Variants in ACER1 observed in about 807,000 individuals in gnomAD.
ACER1 encodes alkaline ceramidase 1, also known as CTB-180A7.3.
ACER1 carries 28 observed loss-of-function variants against 24.9 expected under a neutral mutation model. The ratio of observed to expected loss-of-function variants is 1.13; its 90% CI spans 0.83 to 1.54. The LOEUF is 1.54. Among genes scored for constraint, ACER1 ranks in the 40% most tolerant of loss-of-function variants. The probability of loss-of-function intolerance (pLI) is 0.00; values close to 1 mark genes in which losing one functional copy is unlikely to be tolerated. For missense variants in ACER1, 352 were observed against 349.3 expected (o/e 1.01, Z -0.06); for synonymous variants, 132 against 131.4 (o/e 1.00, Z -0.03).
chr19:6,355,295 C>T, the ACER1 span, among the ~76,000 whole-genome samples: 43 of 148,606 alleles, frequency 2.9e-4, no homozygotes, highest in Non-Finnish European at 4.6e-4. Context: ...TCGTCTGGGA[C>T]GTGAGGAGCC....
chr19:6,357,120 C>T, the ACER1 span, among the ~76,000 whole-genome samples: 10 of 149,752 alleles, frequency 6.7e-5, no homozygotes, highest in African/African-American at 2.5e-4. Flanking sequence ...TCTTGGCTCA[C>T]TGCAACTTCT....
At chr19:6,333,346 A>C (rs944356278) in intron 1 of ACER1, 113 bp downstream of exon 1, 1 of 800,298 alleles carries the variant, frequency 1.2e-6, no homozygotes, top group Non-Finnish European at 1.9e-6. Flanking sequence ...TGAGAAAACT[A>C]GGGCTGAGAC....
chr19:6,323,187 A>G lies in ACER1; in HGVS notation c.93+10272T>C, dbSNP rs111687809. Among the ~76,000 whole-genome samples the G allele has an allele frequency of 9.6e-3, 1,461 of 152,144 alleles. 21 individuals are homozygous for G. The highest frequency in any genetic ancestry group is 0.032 in the African/African-American group (1,349 of 41,524). Reference sequence around the variant, plus strand: ...TGTAATCCCAGCACTTTGGGAGGCCAAGGCAGGCAGATCACGAAGTCAGGA... The same window carrying G: ...TGTAATCCCAGCACTTTGGGAGGCCGAGGCAGGCAGATCACGAAGTCAGGA... On this transcript the variant is annotated intron_variant, in intron 1 of 5. Transcript: ENST00000301452.
Position 6,309,753 on chromosome 19 carries a change from G to T in ACER1, c.432C>A (p.Tyr144Ter), listed in dbSNP as rs145674301. Residue 144 changes from tyrosine (Y) to a stop codon, truncating the protein, a stop_gained, in exon 4 of 6, where the codon TAC becomes TAA. Coordinates refer to ENST00000301452, the MANE Select transcript of ACER1 (RefSeq NM_133492.3). LOFTEE classifies it high-confidence loss of function. ...LSFLRPTVNA[Y>*]ALNSIALHIL... ...TGTGCAGGGCAATGCTGTTGAGGGC[G>T]TAGGCGTTGACCGTGGGCCGCAGGA... is the stretch of plus-strand genomic sequence containing the variant. The T allele has an allele frequency of 1.9e-6, 3 of 1,614,102 alleles. No individual in the cohort carries two copies. Among genetic ancestry groups the T allele is most frequent in the East Asian group, 2.2e-5 (1 of 44,890 alleles).
At chr19:6,319,329 G>A (rs1023858291) in intron 1 of ACER1, among the ~76,000 whole-genome samples, 1 of 151,816 alleles carries the variant, frequency 6.6e-6, no homozygotes, top group African/African-American at 2.4e-5. Context: ...CCTGCCTTCC[G>A]GGGCTCAGCC....
rs767005234 is a variant in ACER1, at chr19:6,312,320, G to C, written c.209-30C>G. The C allele has an allele frequency of 1.9e-6, 3 of 1,613,646 alleles. No individual in the cohort carries two copies. In the Admixed American group the frequency reaches 5.0e-5, roughly 27 times the overall value. On this transcript the variant is annotated intron_variant, in intron 2 of 5. Coordinates refer to ENST00000301452, the MANE Select transcript of ACER1 (RefSeq NM_133492.3). Reference sequence around the variant, plus strand: ...AGCGGCAAGGGCAGGCGGTCAGTGGGGTCCGCCACCTCCTAAACCCCCACT... The same window carrying C: ...AGCGGCAAGGGCAGGCGGTCAGTGGCGTCCGCCACCTCCTAAACCCCCACT...
upstream of ACER1, among the ~76,000 whole-genome samples, chr19:6,338,159 C>T (rs559505908): frequency 3.9e-5 from 6 of 152,104 alleles, no homozygotes; most frequent in African/African-American, 1.2e-4. Flanking sequence ...TGGAGTCTTG[C>T]TCCGTTTCCT....
At chr19:6,347,109 A>AAATATATATATATATATAT in the ACER1 span, among the ~76,000 whole-genome samples, 4 of 113,778 alleles carry the variant, frequency 3.5e-5, 1 homozygote, top group African/African-American at 1.5e-4. Context: ...AAAAAAAAAA[A>AAATATATATATATATATAT]ATATATATAT....
intron 1 of ACER1, among the ~76,000 whole-genome samples, chr19:6,324,256 C>T (rs1285643387): frequency 2.0e-5 from 3 of 151,652 alleles, no homozygotes; most frequent in Admixed American, 2.0e-4. Flanking sequence ...GTTGGCCAGG[C>T]TGGTCTGGAA....
Position 6,311,262 on chromosome 19 carries a change from G to T in ACER1, c.350+887C>A, listed in dbSNP as rs1283965631. Among the ~76,000 whole-genome samples the T allele has an allele frequency of 1.3e-5, 2 of 152,086 alleles. 1 individual carries two copies. On this transcript the variant is annotated intron_variant, in intron 3 of 5. Coordinates refer to ENST00000301452, the MANE Select transcript of ACER1 (RefSeq NM_133492.3). ...GGAGGGCTCAGGTGGGTTAAGCCGGGTTAGAAGAGAATTTCACTTGCCTGT... is the reference window on the plus strand; with the variant it reads ...GGAGGGCTCAGGTGGGTTAAGCCGGTTTAGAAGAGAATTTCACTTGCCTGT...
rs5826928 is a variant in ACER1, at chr19:6,310,876, T to TA, written c.351-1043dup. ...CTGGGGGACACAGCGAGACTTCATCTAAAAAAAAAAAAAAAAAGAAGAAGG... is the reference window on the plus strand; with the variant it reads ...CTGGGGGACACAGCGAGACTTCATCTAAAAAAAAAAAAAAAAAAGAAGAAGG... On this transcript the variant is annotated intron_variant, in intron 3 of 5. Coordinates refer to ENST00000301452, the MANE Select transcript of ACER1 (RefSeq NM_133492.3). Among the ~76,000 whole-genome samples the TA allele has an allele frequency of 2.5e-3, 311 of 122,082 alleles. 1 individual carries two copies. Among genetic ancestry groups the TA allele is most frequent in the Middle Eastern group, 0.018 (4 of 220 alleles). 80.1% of individuals were successfully genotyped at this position (122,082 alleles called of 152,430 possible). A position where few individuals can be genotyped will look rare whatever the true frequency, so the allele number is the denominator to read the frequency against.
chr19:6,326,078 C>T (rs1469440473), intron 1 of ACER1, among the ~76,000 whole-genome samples: 1 of 150,862 alleles, frequency 6.6e-6, no homozygotes, highest in Non-Finnish European at 1.5e-5. Context: ...CCTCAGCCTC[C>T]GGAGTAGCTG....
At chr19:6,329,292 C>A (rs1209311323) in intron 1 of ACER1, among the ~76,000 whole-genome samples, 1 of 151,696 alleles carries the variant, frequency 6.6e-6, no homozygotes, top group African/African-American at 2.4e-5. Context: ...TTGGGGAAGC[C>A]CTTTCTCACA....
chr19:6,355,875 C>T, the ACER1 span, among the ~76,000 whole-genome samples: 42 of 149,680 alleles, frequency 2.8e-4, no homozygotes, highest in Admixed American at 1.1e-3. Context: ...CCCGGCCAGC[C>T]GCCTCGGTCC....
chr19:6,312,874 A>C (rs1048765202), intron 1 of ACER1, among the ~76,000 whole-genome samples: 1 of 151,696 alleles, frequency 6.6e-6, no homozygotes, highest in South Asian at 2.1e-4. Context: ...ACAGGGTTTC[A>C]CCATGTTGGC....
chr19:6,336,583 A>C (rs1423357279), upstream of ACER1, among the ~76,000 whole-genome samples: 1 of 151,562 alleles, frequency 6.6e-6, no homozygotes, highest in Non-Finnish European at 1.5e-5. Context: ...CACTTTAGGA[A>C]GCCAAGGCAG....
chr19:6,332,891 A>T (rs2091695348), intron 1 of ACER1, among the ~76,000 whole-genome samples: 1 of 151,846 alleles, frequency 6.6e-6, no homozygotes, highest in African/African-American at 2.4e-5. Flanking sequence ...GCGATCTCCA[A>T]CTCCTGAGCT....
At chr19:6,333,173 C>T (rs1406038962) in intron 1 of ACER1, among the ~76,000 whole-genome samples, 1 of 152,126 alleles carries the variant, frequency 6.6e-6, no homozygotes, top group South Asian at 2.1e-4. Context: ...AAGGCACCAT[C>T]GCTCCCGGTT....
chr19:6,332,904 G>A (rs1219636511), intron 1 of ACER1, among the ~76,000 whole-genome samples: 1 of 152,008 alleles, frequency 6.6e-6, no homozygotes, highest in Non-Finnish European at 1.5e-5. Context: ...CCTGAGCTCA[G>A]GCAATCCACC....
Sources: allele counts gnomAD v4.1 joint callset (sites outside exome capture counted in the v4.1 genomes callset), GRCh38; gene constraint gnomAD v4.1.1; transcripts MANE v1.5; gene names NCBI Gene and HGNC (gene_info 2026-07-23, HGNC 2026-07-21).